SLC14A2: variants seen among roughly 807,000 people sequenced by gnomAD.
SLC14A2 encodes solute carrier family 14 member 2.
Under a neutral mutation model 104.6 loss-of-function variants are expected in SLC14A2, and 91 were observed. The observed-to-expected ratio is 0.87, with a 90% CI of 0.73 to 1.04. The LOEUF (loss-of-function observed/expected upper bound fraction) is 1.04. SLC14A2 is among the 50% of genes least tolerant of loss of function. The probability of loss-of-function intolerance (pLI) is 0.00; values close to 1 mark genes in which losing one functional copy is unlikely to be tolerated. For synonymous variants in SLC14A2, 476 were observed against 466.4 expected, an observed-to-expected ratio of 1.02 and a Z score of -0.27; for missense variants, 1,189 against 1,156.0, an observed-to-expected ratio of 1.03 and a Z score of -0.41.
At chr18:45,342,172 T>C (rs146758827) in intron 1 of SLC14A2, among the ~76,000 whole-genome samples, 114 of 152,332 alleles carry the variant, frequency 7.5e-4, no homozygotes, top group African/African-American at 2.6e-3. Flanking sequence ...TCAGGATTTA[T>C]GGCAACATTG....
chr18:45,643,465 G>A (rs1012158200), intron 9 of SLC14A2, among the ~76,000 whole-genome samples: 2 of 152,174 alleles, frequency 1.3e-5, no homozygotes, highest in African/African-American at 4.8e-5. Context: ...GGACATGGGG[G>A]AACATCCTCA....
chr18:45,595,868 A>G (rs2044713168), intron 2 of SLC14A2, among the ~76,000 whole-genome samples: 1 of 152,200 alleles, frequency 6.6e-6, no homozygotes, highest in South Asian at 2.1e-4. Context: ...CGGAGCGAAC[A>G]TCAGACTCAG....
chr18:45,186,271 A>C, the SLC14A2 span, among the ~76,000 whole-genome samples: 3 of 152,222 alleles, frequency 2.0e-5, no homozygotes, highest in Non-Finnish European at 4.4e-5. Context: ...AAAGATAGAC[A>C]TCAGGTCAAT....
intron 1 of SLC14A2, among the ~76,000 whole-genome samples, chr18:45,621,976 G>A (rs2045177854): frequency 1.3e-5 from 2 of 152,276 alleles, no homozygotes; most frequent in African/African-American, 2.4e-5. Flanking sequence ...ACTAAAAGGA[G>A]GCCAGCATGG....
At chr18:45,516,319 G>A (rs2043440353) in intron 2 of SLC14A2, among the ~76,000 whole-genome samples, 1 of 152,016 alleles carries the variant, frequency 6.6e-6, no homozygotes, top group Admixed American at 6.6e-5. Flanking sequence ...AGAATGGAAA[G>A]GTCACTTAGG....
intron 1 of SLC14A2, among the ~76,000 whole-genome samples, chr18:45,222,220 G>T (rs1413875819): frequency 1.3e-5 from 2 of 152,118 alleles, no homozygotes; most frequent in Admixed American, 1.3e-4. Flanking sequence ...GAATGTTTAG[G>T]ATCCTGCCAG....
chr18:45,449,213 T>A (rs1568210904), intron 1 of SLC14A2, among the ~76,000 whole-genome samples: 1 of 152,196 alleles, frequency 6.6e-6, no homozygotes, highest in East Asian at 1.9e-4. Flanking sequence ...CAGTTCACCA[T>A]CCTGTGCTCT....
At chr18:45,248,031 C>T (rs947459329) in intron 1 of SLC14A2, among the ~76,000 whole-genome samples, 29 of 151,756 alleles carry the variant, frequency 1.9e-4, no homozygotes, top group Non-Finnish European at 7.4e-5. Flanking sequence ...CAGTAGGGAG[C>T]AAAAAAACCC....
intron 1 of SLC14A2, among the ~76,000 whole-genome samples, chr18:45,294,387 A>G (rs1490319631): frequency 6.6e-6 from 1 of 152,158 alleles, no homozygotes; most frequent in Admixed American, 6.5e-5. Context: ...TTGTCAATTT[A>G]AGGTGTGAAT....
At chr18:45,206,863 C>T in the SLC14A2 span, among the ~76,000 whole-genome samples, 1 of 152,190 alleles carries the variant, frequency 6.6e-6, no homozygotes, top group East Asian at 1.9e-4. Context: ...AAAATCAGAA[C>T]CTGTTGTCTT....
chr18:45,642,393 G>C (rs1238627252), intron 8 of SLC14A2, among the ~76,000 whole-genome samples: 4 of 152,234 alleles, frequency 2.6e-5, no homozygotes, highest in Non-Finnish European at 5.9e-5. Flanking sequence ...CTTCAGAGAA[G>C]TGGCAGATTC....
At chr18:45,221,103 C>T (rs1310547632) in intron 1 of SLC14A2, among the ~76,000 whole-genome samples, 4 of 152,182 alleles carry the variant, frequency 2.6e-5, no homozygotes, top group Non-Finnish European at 5.9e-5. Context: ...CAGGCTTCAA[C>T]ATATGAATTT....
At chr18:45,184,940 T>C in the SLC14A2 span, among the ~76,000 whole-genome samples, 1 of 152,290 alleles carries the variant, frequency 6.6e-6, no homozygotes, top group Non-Finnish European at 1.5e-5. Flanking sequence ...TACAGTAGGT[T>C]CAGGTTTCAC....
At chr18:45,527,525 A>G (rs556367622) in intron 2 of SLC14A2, among the ~76,000 whole-genome samples, 3 of 152,188 alleles carry the variant, frequency 2.0e-5, no homozygotes, top group South Asian at 2.1e-4. Flanking sequence ...AACCTATTCA[A>G]CTTTTTGCAA....
At chr18:45,340,094 C>G (rs555003153) in intron 1 of SLC14A2, among the ~76,000 whole-genome samples, 1 of 152,296 alleles carries the variant, frequency 6.6e-6, no homozygotes, top group Admixed American at 6.5e-5. Context: ...AAAGGAAACT[C>G]CCTTTCATTA....
At chr18:45,522,752 TTTGCTTGC>T (rs1161478469) in intron 2 of SLC14A2, among the ~76,000 whole-genome samples, 1 of 152,192 alleles carries the variant, frequency 6.6e-6, no homozygotes, top group Non-Finnish European at 1.5e-5. Flanking sequence ...AAGATTTCTG[TTTGCTTGC>T]TTGCTCACTT....
chr18:45,342,237 T>C (rs1011738047), intron 1 of SLC14A2, among the ~76,000 whole-genome samples: 5 of 152,140 alleles, frequency 3.3e-5, no homozygotes, highest in Admixed American at 1.3e-4. Flanking sequence ...ATAATAATAA[T>C]AAAGGAATGC....
At chr18:45,613,287 G>T (rs2144458480), upstream of SLC14A2, among the ~76,000 whole-genome samples, 1 of 152,268 alleles carries the variant, frequency 6.6e-6, no homozygotes, top group Admixed American at 6.5e-5. Flanking sequence ...CTCCCAAAGT[G>T]CTGGGATTAC....
chr18:45,179,720 C>T, the SLC14A2 span, among the ~76,000 whole-genome samples: 1 of 151,676 alleles, frequency 6.6e-6, no homozygotes, highest in Non-Finnish European at 1.5e-5. Context: ...AAGTAAAAAC[C>T]ATTCTCTGGC....
Sources: gnomAD v4.1 joint callset for allele counts (sites outside exome capture counted in the v4.1 genomes callset) on GRCh38, gnomAD v4.1.1 for gene constraint, MANE v1.5 for transcripts, NCBI Gene and HGNC (gene_info 2026-07-23, HGNC 2026-07-21) for gene names.